MAG: variants seen among roughly 807,000 people sequenced by gnomAD.
MAG encodes myelin associated glycoprotein.
MAG carries 30 observed loss-of-function variants against 60.7 expected under a neutral mutation model. The observed-to-expected ratio is 0.49, with a 90% CI of 0.37 to 0.67. The LOEUF (loss-of-function observed/expected upper bound fraction) is 0.67. MAG is among the 30% of genes least tolerant of loss of function. The probability of loss-of-function intolerance (pLI) is 0.00; values close to 1 mark genes in which losing one functional copy is unlikely to be tolerated. For synonymous variants in MAG, 384 were observed against 376.8 expected, an observed-to-expected ratio of 1.02 and a Z score of -0.22; for missense variants, 795 against 851.7, an observed-to-expected ratio of 0.93 and a Z score of 0.83.
Position 35,313,382 on chromosome 19 carries a change from G to A in MAG, c.1809G>A (p.Gly603=). Reference sequence around the variant, plus strand: ...TGAGCTATTCTCACTCGGACCTGGGGAAACGGCCCACCAAGGACAGCTACA... The same window carrying A: ...TGAGCTATTCTCACTCGGACCTGGGAAAACGGCCCACCAAGGACAGCTACA... The part of the protein sequence containing the change: ...LDLSYSHSDL[G]KRPTKDSYTL... Residue 603 remains glycine (G), a synonymous_variant, in exon 11 of 11, where the codon GGG becomes GGA. Transcript: ENST00000392213. 8.1e-6 allele frequency: 13 copies of A among 1,614,138 alleles called. No individual in the cohort carries two copies. Among genetic ancestry groups the A allele is most frequent in the Non-Finnish European group, 1.1e-5 (13 of 1,180,008 alleles).
chr19:35,311,936 C>A lies in MAG; in HGVS notation c.1635C>A (p.Ser545Arg), dbSNP rs2066530441. ...CCTGCAGAAAGAACGTGACAGAGAG[C>A]CCCAGCTTCTCGGCAGGGGACAACC... ...QTRRKKNVTESPSFSAGDNPP... is the reference protein window; with the variant it reads ...QTRRKKNVTERPSFSAGDNPP... The change falls in exon 10 of 11, where the codon AGC (serine) becomes AGA (arginine). Residue 545 changes from serine (S) to arginine (R), a missense_variant. Physicochemically the swap from Ser to Arg is moderately radical, Grantham distance 110 (BLOSUM62 -1). Coordinates refer to ENST00000392213, the MANE Select transcript of MAG (RefSeq NM_002361.4). 6.2e-7 allele frequency: 1 copy of A among 1,612,848 alleles called. No homozygotes were observed.
chr19:35,312,584 C>T (rs2066536756), intron 10 of MAG: 10 of 581,774 alleles, frequency 1.7e-5, no homozygotes, highest in Non-Finnish European at 3.1e-5. Flanking sequence ...ATGTCACCTG[C>T]AGGACCTCCC....
intron 4 of MAG, among the ~76,000 whole-genome samples, chr19:35,298,397 C>T (rs1229270388): frequency 6.6e-6 from 1 of 150,662 alleles, no homozygotes; most frequent in African/African-American, 2.4e-5. Context: ...ACACACACCA[C>T]ACAAACCAGA....
rs2066366186 is a variant in MAG at position 35,292,717 on chromosome 19, G to A, written c.-80+513G>A. 2.0e-5 allele frequency among the ~76,000 whole-genome samples: 3 copies of A among 151,856 alleles called. No individual in the cohort carries two copies. In the South Asian group the frequency reaches 6.2e-4, roughly 32 times the overall value. On this transcript the variant is annotated intron_variant, in intron 1 of 10. Transcript: ENST00000392213. ...CATGCACCTTCCTCTGTAAGCCTCA[G>A]TCGACTTTTCTTCATTAATCCCCAC...
At position 35,310,111 on chromosome 19, in the gene MAG, C is replaced by T. The variant is rs199695606; in HGVS notation, c.1469C>T (p.Ala490Val). The T allele has an allele frequency of 4.3e-6, 7 of 1,612,300 alleles. No homozygotes were observed. The highest frequency in any genetic ancestry group is 1.3e-5 in the African/African-American group (1 of 75,056). ...GCCCCGCCCCGCGTCATCTGCACCGCGAGGAACCTCTATGGCGCCAAGAGC... is the reference window on the plus strand; with the variant it reads ...GCCCCGCCCCGCGTCATCTGCACCGTGAGGAACCTCTATGGCGCCAAGAGC... ...AQAPPRVICT[A>V]RNLYGAKSLE... is the part of the protein sequence containing the mutation. The change falls in exon 8 of 11, where the codon GCG (alanine) becomes GTG (valine). Residue 490 changes from alanine to valine, a missense_variant. Transcript: ENST00000392213.
chr19:35,311,564 G>A (rs2066527261), intron 9 of MAG, among the ~76,000 whole-genome samples: 1 of 152,178 alleles, frequency 6.6e-6, no homozygotes, highest in South Asian at 2.1e-4. Flanking sequence ...TCTTTCTTGT[G>A]GCACACACAC....
At position 35,299,600 on chromosome 19, in the gene MAG, G is replaced by A. The variant is rs3746248; in HGVS notation, c.462G>A (p.Glu154=). 379,128 of 1,605,214 alleles carry A rather than the reference G, an allele frequency of 0.24. 53,956 individuals are homozygous for A. Among genetic ancestry groups the A allele is most frequent in the African/African-American group, 0.68 (50,612 of 74,458 alleles). ...VVPPEVVAGT[E]VEVSCMVPDN... is the part of the protein sequence containing the mutation. ...CCCCAGAGGTGGTGGCAGGCACGGA[G>A]GTGGAGGTCAGCTGCATGGTGCCGG... The change falls in exon 5 of 11, where the codon GAG becomes GAA. Residue 154 remains glutamate (E), a synonymous_variant. Transcript: ENST00000392213.
In MAG at chr19:35,293,195, C is replaced by T. The variant is rs373538511; in HGVS notation, c.-80+991C>T. ...CGGCCAGGTGTCCATCGGCGCGTGT[C>T]TGAGTGGACGCGTCTATAGCCATCC... On this transcript the variant is annotated intron_variant, in intron 1 of 10. Coordinates refer to ENST00000392213, the MANE Select transcript of MAG (RefSeq NM_002361.4). The surrounding 1 kb of genome is among the most constrained non-coding windows in gnomAD (Gnocchi z 4.0). Among the ~76,000 whole-genome samples the T allele has an allele frequency of 2.8e-4, 42 of 152,120 alleles. 1 individual carries two copies. The highest frequency in any genetic ancestry group is 3.4e-3 in the Middle Eastern group (1 of 294).
intron 6 of MAG, among the ~76,000 whole-genome samples, chr19:35,301,669 A>C (rs2066449533): frequency 6.6e-6 from 1 of 152,040 alleles, no homozygotes; most frequent in Admixed American, 6.5e-5. Context: ...TGACCTCGTG[A>C]TCTGCCCACC....
chr19:35,308,063 G>A (rs557586697), intron 7 of MAG, among the ~76,000 whole-genome samples: 2 of 152,152 alleles, frequency 1.3e-5, no homozygotes, highest in African/African-American at 4.8e-5. Context: ...TGGAGAAGGA[G>A]CAAGCCCCTG....
At chr19:35,311,713 G>T (rs1468256479) in intron 9 of MAG, among the ~76,000 whole-genome samples, 1 of 152,204 alleles carries the variant, frequency 6.6e-6, no homozygotes, top group Non-Finnish European at 1.5e-5. Context: ...CAGGGGCCAG[G>T]TGGCTCGTCC....
chr19:35,297,632 CCACACACCACACACACTACACACACTA>C (rs2066410644), intron 4 of MAG, among the ~76,000 whole-genome samples: 5 of 139,882 alleles, frequency 3.6e-5, no homozygotes, highest in Admixed American at 1.4e-4. Flanking sequence ...CACACACTAC[CCACACACCACACACACTACACACACTA>C]CACACACCAC....
rs1390087553 is a variant in MAG at position 35,299,765 on chromosome 19, G to A, written c.627G>A (p.Glu209=). The change falls in exon 5 of 11, where the codon GAG becomes GAA. Residue 209 remains glutamate (E), a synonymous_variant. Coordinates refer to ENST00000392213, the MANE Select transcript of MAG (RefSeq NM_002361.4). ...VSLLHFVPTR[E]ANGHRLGCQA... ...TGCTGCACTTCGTGCCCACGAGGGA[G>A]GCCAACGGCCACAGGCTGGGCTGCC... 1.9e-6 allele frequency: 3 copies of A among 1,551,176 alleles called. No individual in the cohort carries two copies. The highest frequency in any genetic ancestry group is 2.6e-6 in the Non-Finnish European group (3 of 1,151,774).
At chr19:35,298,537 G>A (rs996477914) in intron 4 of MAG, among the ~76,000 whole-genome samples, 3 of 139,094 alleles carry the variant, frequency 2.2e-5, no homozygotes, top group Non-Finnish European at 4.6e-5. Context: ...CACACCATGC[G>A]CTACACACAA....
At chr19:35,301,066 C>T (rs899775972) in intron 6 of MAG, among the ~76,000 whole-genome samples, 2 of 152,102 alleles carry the variant, frequency 1.3e-5, no homozygotes, top group African/African-American at 4.8e-5. Context: ...GACAGAGAAT[C>T]GATATGTTCC....
chr19:35,300,491 G>A (rs2066441328), intron 6 of MAG, 87 bp downstream of exon 6: 1 of 1,456,866 alleles, frequency 6.9e-7, no homozygotes, highest in Admixed American at 2.5e-5. Flanking sequence ...AGCATGGGCT[G>A]GGTCCCGAGG....
rs200687098 is a variant in MAG at position 35,300,241 on chromosome 19, G to A, written c.807G>A (p.Pro269=). 1.9e-6 allele frequency: 3 copies of A among 1,588,594 alleles called. No homozygotes were observed. Among genetic ancestry groups the A allele is most frequent in the East Asian group, 4.5e-5 (2 of 44,138 alleles). Residue 269 remains proline, a synonymous_variant, in exon 6 of 11, where the codon CCG becomes CCA. Coordinates refer to ENST00000392213, the MANE Select transcript of MAG (RefSeq NM_002361.4). Reference sequence around the variant, plus strand: ...GTGGGGCTGACAGCAACCCCCCGCCGCTGCTGACCTGGATGCGGGACGGGA... The same window carrying A: ...GTGGGGCTGACAGCAACCCCCCGCCACTGCTGACCTGGATGCGGGACGGGA... ...LLCGADSNPP[P]LLTWMRDGTV...
At chr19:35,312,376 T>A in intron 10 of MAG, 4 of 1,525,000 alleles carry the variant, frequency 2.6e-6, no homozygotes, top group Non-Finnish European at 3.6e-6. Flanking sequence ...CCTTGGGCCC[T>A]GGGGTTGGCG....
intron 7 of MAG, among the ~76,000 whole-genome samples, chr19:35,303,981 C>T (rs2066466498): frequency 6.6e-6 from 1 of 152,174 alleles, no homozygotes; most frequent in East Asian, 1.9e-4. Context: ...TTCACGATGC[C>T]CACAATGGCC....
Sources: gnomAD v4.1 joint callset for allele counts (sites outside exome capture counted in the v4.1 genomes callset) on GRCh38, gnomAD v4.1.1 for gene constraint, Gnocchi (gnomAD v3.1) non-coding constraint, MANE v1.5 for transcripts, NCBI Gene and HGNC (gene_info 2026-07-23, HGNC 2026-07-21) for gene names.